The following TRIP12 variants were observed in gnomAD, a reference collection of about 807,000 sequenced individuals.
TRIP12 encodes thyroid hormone receptor interactor 12.
In TRIP12, 25 loss-of-function variants were observed where a neutral mutation model predicts 244.2. The observed-to-expected ratio is 0.10, with a 90% CI of 0.07 to 0.14. TRIP12 has a LOEUF of 0.14. TRIP12 is among the 10% of genes least tolerant of loss of function. TRIP12 has a pLI of 1.00. For synonymous variants in TRIP12, 905 were observed against 873.1 expected (o/e 1.04, Z -0.64); for missense variants, 1,677 against 2,486.4 (o/e 0.67, Z 6.92).
rs1222593386 is a variant in TRIP12, at chr2:229,765,202, C to T, written c.*2352G>A. ...GACTAACATCTGACTGACTCCATCT[C>T]AGCAAAAAATAAAGGACAACAAAAT... On this transcript the variant is annotated 3_prime_UTR_variant, in exon 42 of 42. Transcript: ENST00000675903. 1.3e-5 allele frequency: 2 copies of T among 152,156 alleles called. No individual in the cohort carries two copies. The allele number at this position is 152,156 out of a possible 1,614,324, so 9.4% of individuals were successfully genotyped here.
rs550235760 is a variant in TRIP12, at chr2:229,859,584, T to C, written c.225-10A>G. The C allele has an allele frequency of 1.4e-5, 23 of 1,603,592 alleles. No homozygotes were observed. In the African/African-American group the frequency reaches 2.4e-4, roughly 17 times the overall value. On this transcript the variant is annotated splice_polypyrimidine_tract_variant and intron_variant, in intron 3 of 41. Coordinates refer to ENST00000675903, the MANE Select transcript of TRIP12 (RefSeq NM_001348323.3). ...TGATGAACTGCAGCTTCTAAGAGGT[T>C]AGATAAGAAAACAGTTAATATCAGC... is the stretch of plus-strand genomic sequence containing the variant.
chr2:229,831,574 T>G (rs1482147980), intron 6 of TRIP12, among the ~76,000 whole-genome samples: 1 of 152,202 alleles, frequency 6.6e-6, no homozygotes, highest in Non-Finnish European at 1.5e-5. Flanking sequence ...GAGGCTGCAG[T>G]GTGCCGTGAT....
intron 1 of TRIP12, chr2:229,894,454 C>T (rs988079182): frequency 2.6e-5 from 4 of 151,992 alleles, no homozygotes; most frequent in African/African-American, 9.7e-5. Context: ...AGGCCTTTAT[C>T]AACTCTCAAC....
chr2:229,854,323 C>T (rs1346940226), intron 4 of TRIP12, among the ~76,000 whole-genome samples: 1 of 152,166 alleles, frequency 6.6e-6, no homozygotes, highest in African/African-American at 2.4e-5. Flanking sequence ...ATCTGGTGTT[C>T]CAAATCTAAT....
At chr2:229,830,713 G>T in intron 7 of TRIP12, 43 bp downstream of exon 7, 1 of 1,522,776 alleles carries the variant, frequency 6.6e-7, no homozygotes, top group Non-Finnish European at 9.1e-7. Flanking sequence ...TTAACAGGTA[G>T]CTCATGGTAA....
Position 229,813,938 on chromosome 2 carries a change from T to C in TRIP12, c.1918A>G (p.Ile640Val), listed in dbSNP as rs1283122334. 4.4e-6 allele frequency: 7 copies of C among 1,599,410 alleles called. No individual in the cohort carries two copies. The highest frequency in any genetic ancestry group is 3.3e-4 in the Middle Eastern group (2 of 6,004). ...LAIAANCCQS[I>V]TPDEFHFVAD... ...ACAAAATGAAATTCATCTGGCGTGATACTCTGGCAGCAATTAGCTGCAATT... is the reference window on the plus strand; with the variant it reads ...ACAAAATGAAATTCATCTGGCGTGACACTCTGGCAGCAATTAGCTGCAATT... Residue 640 changes from isoleucine to valine, a missense_variant, in exon 13 of 42, where the codon ATC (isoleucine) becomes GTC (valine). By Grantham distance (29) the Ile-to-Val change is conservative. Transcript: ENST00000675903.
intron 1 of TRIP12, among the ~76,000 whole-genome samples, chr2:229,885,691 T>G (rs1415823313): frequency 1.1e-4 from 16 of 152,196 alleles, no homozygotes; most frequent in Non-Finnish European, 4.4e-5. Flanking sequence ...AAGCCTATCT[T>G]TAAAGTGGGA....
In TRIP12 at chr2:229,916,902, G is replaced by A. The variant is rs73103529; in HGVS notation, c.-50+4978C>T. On this transcript the variant is annotated intron_variant, in intron 1 of 41. Coordinates refer to ENST00000675903, the MANE Select transcript of TRIP12 (RefSeq NM_001348323.3). Reference sequence around the variant, plus strand: ...AAATCAAGGGACAGGTCTAGCATCGGTATACTTATCTATTTATTACAAATA... The same window carrying A: ...AAATCAAGGGACAGGTCTAGCATCGATATACTTATCTATTTATTACAAATA... Among the ~76,000 whole-genome samples the A allele has an allele frequency of 5.3e-3, 797 of 151,644 alleles. 9 individuals are homozygous for A. The highest frequency in any genetic ancestry group is 0.019 in the African/African-American group (771 of 41,386).
At chr2:229,807,559 G>T (rs2046180010) in intron 17 of TRIP12, 149 bp downstream of exon 17, 1 of 977,638 alleles carries the variant, frequency 1.0e-6, no homozygotes, top group Non-Finnish European at 1.6e-6. Context: ...ACAGAAATGA[G>T]GACCTTGTTC....
At chr2:229,897,562 C>T (rs761532313) in intron 1 of TRIP12, among the ~76,000 whole-genome samples, 2 of 152,190 alleles carry the variant, frequency 1.3e-5, no homozygotes, top group Admixed American at 6.5e-5. Context: ...GCAGGAGAAT[C>T]GCTTGAACCA....
In TRIP12 at chr2:229,860,547, C is replaced by G. The variant is rs1278489315; in HGVS notation, c.99-16G>C. 1.3e-6 allele frequency: 2 copies of G among 1,577,314 alleles called. No homozygotes were observed. The highest frequency in any genetic ancestry group is 1.7e-6 in the Non-Finnish European group (2 of 1,163,346). On this transcript the variant is annotated splice_polypyrimidine_tract_variant and intron_variant, in intron 2 of 41. Coordinates refer to ENST00000675903, the MANE Select transcript of TRIP12 (RefSeq NM_001348323.3). ...TAAATGTGACCTGTCAGCAGAAAAT[C>G]AAAACAGAAATCTATCAGGAAACTG...
intron 4 of TRIP12, among the ~76,000 whole-genome samples, chr2:229,841,877 A>C (rs1358984231): frequency 6.6e-6 from 1 of 152,252 alleles, no homozygotes; most frequent in Non-Finnish European, 1.5e-5. Context: ...GAAAAGCAGC[A>C]GTAAAAGAAC....
Position 229,859,060 on chromosome 2 carries a change from A to G in TRIP12, c.739T>C (p.Ser247Pro). ...GAGGCCGAGGCTACAGCAGAAGACGAGGAGGAAGTAGAGGCAGCAGAAGAA... is the reference window on the plus strand; with the variant it reads ...GAGGCCGAGGCTACAGCAGAAGACGGGGAGGAAGTAGAGGCAGCAGAAGAA... ...DSSSAASTSS[S>P]SSAVASASST... is the part of the protein sequence containing the mutation. The change falls in exon 4 of 42, where the codon TCG becomes CCG. Residue 247 changes from serine to proline, a missense_variant. This residue lies in a region of TRIP12 where 387 missense variants were observed against 392.6 expected (regional missense o/e 0.99). Coordinates refer to ENST00000675903, the MANE Select transcript of TRIP12 (RefSeq NM_001348323.3). 1 of 1,614,224 alleles carries G rather than the reference A, an allele frequency of 6.2e-7. No individual in the cohort carries two copies. Among genetic ancestry groups the G allele is most frequent in the Non-Finnish European group, 8.5e-7 (1 of 1,180,046 alleles).
chr2:229,858,062 T>C (rs2059907246), intron 4 of TRIP12, among the ~76,000 whole-genome samples: 1 of 152,108 alleles, frequency 6.6e-6, no homozygotes, highest in African/African-American at 2.4e-5. Flanking sequence ...CAAGAATATC[T>C]CATATAAAAA....
chr2:229,789,034 T>G (rs1013949769), intron 31 of TRIP12, 94 bp from the exon 32 acceptor site: 11 of 1,173,742 alleles, frequency 9.4e-6, no homozygotes, highest in Non-Finnish European at 1.2e-5. Context: ...CCATGCAAAG[T>G]ACCCTGAATT....
At chr2:229,880,587 T>G (rs1027352312) in intron 1 of TRIP12, among the ~76,000 whole-genome samples, 17 of 152,170 alleles carry the variant, frequency 1.1e-4, no homozygotes, top group African/African-American at 4.1e-4. Flanking sequence ...GACACAGAAT[T>G]AACAATGTAT....
intron 1 of TRIP12, among the ~76,000 whole-genome samples, chr2:229,911,405 C>G (rs1200678307): frequency 6.6e-6 from 1 of 152,212 alleles, no homozygotes; most frequent in East Asian, 1.9e-4. Flanking sequence ...TTCTCTTCAG[C>G]CACCATACAA....
At chr2:229,876,556 A>G (rs936359617) in intron 2 of TRIP12, among the ~76,000 whole-genome samples, 3 of 152,228 alleles carry the variant, frequency 2.0e-5, no homozygotes, top group African/African-American at 7.2e-5. Flanking sequence ...GTCATTCTAC[A>G]AATCTAATCG....
chr2:229,902,389 A>G (rs1471288216), intron 1 of TRIP12, among the ~76,000 whole-genome samples: 1 of 148,256 alleles, frequency 6.7e-6, no homozygotes, highest in Non-Finnish European at 1.5e-5. Context: ...TCCCCCCACC[A>G]AAAAAAAAAG....
Sources: allele counts gnomAD v4.1 joint callset (sites outside exome capture counted in the v4.1 genomes callset), GRCh38; gene constraint gnomAD v4.1.1; regional missense constraint gnomAD v4.1.1; transcripts MANE v1.5; gene names NCBI Gene and HGNC (gene_info 2026-07-23, HGNC 2026-07-21).